The following SLC5A10 variants were observed in gnomAD, a reference collection of about 807,000 sequenced individuals.
SLC5A10 encodes solute carrier family 5 member 10.
SLC5A10 carries 55 observed loss-of-function variants against 68.9 expected under a neutral mutation model. The ratio of observed to expected loss-of-function variants is 0.80; its 90% CI spans 0.64 to 1.00. The LOEUF (loss-of-function observed/expected upper bound fraction) is 1.00. Ranked by LOEUF, SLC5A10 falls within the 50% of genes least tolerant of loss-of-function variation. The pLI is 0.00. For missense variants in SLC5A10, 732 were observed against 819.3 expected (o/e 0.89, Z 1.30); for synonymous variants, 344 against 344.8 (o/e 1.00, Z 0.02).
intron 1 of SLC5A10, among the ~76,000 whole-genome samples, chr17:18,956,777 A>T (rs2151991287): frequency 6.6e-6 from 1 of 152,244 alleles, no homozygotes; most frequent in South Asian, 2.1e-4. Flanking sequence ...CGCCTGGATG[A>T]TTTAACTTAA....
chr17:18,986,328 T>A (rs1302570911), intron 9 of SLC5A10: 2 of 152,276 alleles, frequency 1.3e-5, no homozygotes, highest in African/African-American at 4.8e-5. Context: ...AAGTTCATCC[T>A]TTGATGCTCT....
chr17:18,981,845 G>C (rs1219263965), intron 9 of SLC5A10, among the ~76,000 whole-genome samples: 1 of 152,168 alleles, frequency 6.6e-6, no homozygotes, highest in Non-Finnish European at 1.5e-5. Context: ...GACAATTAGC[G>C]CTCGTGACTT....
intron 10 of SLC5A10, 123 bp from the exon 11 acceptor site, chr17:19,014,926 G>A (rs2044099767): frequency 5.9e-6 from 7 of 1,193,958 alleles, no homozygotes; most frequent in East Asian, 2.4e-5. Context: ...CTCCCTCCCC[G>A]CCCTCTGCCT....
intron 9 of SLC5A10, among the ~76,000 whole-genome samples, chr17:18,991,788 G>A (rs1382260186): frequency 6.6e-6 from 1 of 152,234 alleles, no homozygotes; most frequent in Non-Finnish European, 1.5e-5. Context: ...AAGTGAAGGA[G>A]GGAGCCCAGT....
chr17:18,977,402 G>T (rs1365617942), intron 9 of SLC5A10: 3 of 634,354 alleles, frequency 4.7e-6, no homozygotes, highest in African/African-American at 1.8e-5. Context: ...ATTAATGATG[G>T]CCTTCCATAT....
intron 9 of SLC5A10, among the ~76,000 whole-genome samples, chr17:18,990,620 C>G (rs1054598918): frequency 2.6e-5 from 4 of 152,344 alleles, no homozygotes; most frequent in South Asian, 2.1e-4. Context: ...CTCAGCCAGG[C>G]AGGGTGCCTG....
At chr17:18,975,826 C>T (rs566997371) in intron 8 of SLC5A10, 1 of 152,258 alleles carries the variant, frequency 6.6e-6, no homozygotes, top group South Asian at 2.1e-4. Flanking sequence ...GTACTAAAAA[C>T]CATGGGAACA....
In SLC5A10 at chr17:18,978,259, C is replaced by T. The variant is rs117693306; in HGVS notation, c.982+1270C>T. ...GGGGAGGGCAAGGCTCTGGACGGGG[C>T]CTGCTGTCCTGGCTCTGCTTCCACA... On this transcript the variant is annotated intron_variant, in intron 9 of 14. Transcript: ENST00000395645. 3.4e-3 allele frequency: 5,424 copies of T among 1,605,896 alleles called. 222 individuals are homozygous for T. In the East Asian group the frequency reaches 0.084, roughly 25 times the overall value.
chr17:19,016,924 TG>T (rs2044152570), intron 11 of SLC5A10, among the ~76,000 whole-genome samples: 2 of 152,104 alleles, frequency 1.3e-5, no homozygotes. Context: ...TGTGTGACAC[TG>T]GTAGCCCCTG....
chr17:19,020,008 C>G, intron 13 of SLC5A10, 80 bp downstream of exon 13: 1 of 1,481,700 alleles, frequency 6.7e-7, no homozygotes, highest in East Asian at 2.5e-5. Context: ...CCCACTCTGA[C>G]TCAGAATTTT....
At position 19,020,940 on chromosome 17, in the gene SLC5A10, C is replaced by G. The variant is rs1048760388; in HGVS notation, c.*509C>G. On this transcript the variant is annotated 3_prime_UTR_variant, in exon 15 of 15. Coordinates refer to ENST00000395645, the MANE Select transcript of SLC5A10 (RefSeq NM_001042450.4). ...CTGCCCACCATCCCTCAACCATCAGCCTGGCGTTCAAAGCCTTTCCAAGTC... is the reference window on the plus strand; with the variant it reads ...CTGCCCACCATCCCTCAACCATCAGGCTGGCGTTCAAAGCCTTTCCAAGTC... The G allele has an allele frequency of 4.4e-5, 7 of 159,748 alleles. No individual in the cohort carries two copies. The highest frequency in any genetic ancestry group is 1.7e-4 in the African/African-American group (7 of 41,666). The allele number at this position is 159,748 out of a possible 1,614,324, so 9.9% of individuals were successfully genotyped here.
At chr17:18,969,310 GC>G (rs753362342) in intron 6 of SLC5A10, 31 bp from the exon 7 acceptor site, 3 of 1,608,394 alleles carry the variant, frequency 1.9e-6, no homozygotes, top group South Asian at 1.1e-5. Flanking sequence ...TGGGGCCAGG[GC>G]CCCCTCCAGC....
Position 18,968,853 on chromosome 17 carries a change from C to A in SLC5A10, c.454-199C>A. 2 of 584,796 alleles carry A rather than the reference C, an allele frequency of 3.4e-6. No individual in the cohort carries two copies. The highest frequency in any genetic ancestry group is 2.1e-5 in the South Asian group (1 of 46,820). The allele number at this position is 584,796 out of a possible 1,614,324, so 36.2% of individuals were successfully genotyped here. A position where few individuals can be genotyped will look rare whatever the true frequency, so the allele number is the denominator to read the frequency against. On this transcript the variant is annotated intron_variant, in intron 5 of 14. Transcript: ENST00000395645. The surrounding 1 kb of genome is among the most constrained non-coding windows in gnomAD (Gnocchi z 4.1). ...ACAGTAATGTCCCCTGACATCCGCACAAGCTTGTAGCTCCACGGCCAGGTC... is the reference window on the plus strand; with the variant it reads ...ACAGTAATGTCCCCTGACATCCGCAAAAGCTTGTAGCTCCACGGCCAGGTC...
At chr17:18,956,109 G>A (rs1324123770) in intron 1 of SLC5A10, among the ~76,000 whole-genome samples, 2 of 152,066 alleles carry the variant, frequency 1.3e-5, no homozygotes, top group African/African-American at 4.8e-5. Context: ...CAGGAGAATC[G>A]CTTGAACCCG....
chr17:18,971,175 TTG>T lies in SLC5A10; in HGVS notation c.804_805del (p.Phe268LeufsTer61). 1 of 1,614,044 alleles carries T rather than the reference TTG, an allele frequency of 6.2e-7. No homozygotes were observed. Among genetic ancestry groups the T allele is most frequent in the Non-Finnish European group, 8.5e-7 (1 of 1,180,032 alleles). On this transcript the variant is annotated frameshift_variant, in exon 8 of 15. Transcript: ENST00000395645. LOFTEE classifies it high-confidence loss of function. This position sits in a 1 kb window ranked among gnomAD's most constrained non-coding sequence, Gnocchi z 5.5. ...GACCTGCCGTGGACCGGGATGACCT[TTG>T]GCCTGACCATCATGGCCACCTGGTA...
chr17:19,013,420 C>T lies in SLC5A10; in HGVS notation c.993C>T (p.Gly331=), dbSNP rs758892940. The part of the protein sequence containing the change: ...ISRALFPDDV[G]CVVPSECLRA... ...CCGTCTCTCGAACAGATGATGTGGGCTGCGTGGTGCCGTCCGAGTGCCTGC... is the reference window on the plus strand; with the variant it reads ...CCGTCTCTCGAACAGATGATGTGGGTTGCGTGGTGCCGTCCGAGTGCCTGC... The change falls in exon 10 of 15, where the codon GGC becomes GGT. Residue 331 remains glycine (G), a synonymous_variant. Coordinates refer to ENST00000395645, the MANE Select transcript of SLC5A10 (RefSeq NM_001042450.4). The T allele has an allele frequency of 1.2e-6, 2 of 1,607,084 alleles. No individual in the cohort carries two copies. Among genetic ancestry groups the T allele is most frequent in the East Asian group, 4.5e-5 (2 of 44,356 alleles).
In SLC5A10 at chr17:18,971,830, G is replaced by A. The variant is rs2042863950; in HGVS notation, c.846+612G>A. ...CACAGGACCCTGCTCAGGCACACAG[G>A]AGCCGGCAGGCCCGGGTTCGCCTCC... On this transcript the variant is annotated intron_variant, in intron 8 of 14. Transcript: ENST00000395645. This position sits in a 1 kb window ranked among gnomAD's most constrained non-coding sequence, Gnocchi z 5.5. The A allele has an allele frequency of 6.8e-7, 1 of 1,463,890 alleles. No homozygotes were observed. The highest frequency in any genetic ancestry group is 1.4e-5 in the South Asian group (1 of 71,424). 90.7% of individuals were successfully genotyped at this position (1,463,890 alleles called of 1,614,324 possible).
In SLC5A10 at chr17:18,977,958, C is replaced by A. The variant is rs377259741; in HGVS notation, c.982+969C>A. On this transcript the variant is annotated intron_variant, in intron 9 of 14. Transcript: ENST00000395645. ...CCATCCAGCCCATTGGGGAGCCCCACCCCGAGGCTCTCGGGGTCATCCTGG... is the reference window on the plus strand; with the variant it reads ...CCATCCAGCCCATTGGGGAGCCCCAACCCGAGGCTCTCGGGGTCATCCTGG... 39 of 1,599,540 alleles carry A rather than the reference C, an allele frequency of 2.4e-5. No individual in the cohort carries two copies. In the East Asian group the frequency reaches 7.2e-4, roughly 29 times the overall value.
At chr17:19,006,403 C>CTT (rs532718554) in intron 9 of SLC5A10, among the ~76,000 whole-genome samples, 27 of 138,444 alleles carry the variant, frequency 2.0e-4, no homozygotes, top group South Asian at 4.6e-4. Context: ...TTTCTTTTTT[C>CTT]TTTTTTTTTT....
Sources: allele counts gnomAD v4.1 joint callset (sites outside exome capture counted in the v4.1 genomes callset), GRCh38; gene constraint gnomAD v4.1.1; non-coding constraint Gnocchi (gnomAD v3.1); transcripts MANE v1.5; gene names NCBI Gene and HGNC (gene_info 2026-07-23, HGNC 2026-07-21).